DROSHA: variants seen among roughly 807,000 people sequenced by gnomAD.
DROSHA encodes the protein ribonuclease 3.
A neutral mutation model predicts 181.9 loss-of-function variants in DROSHA; 56 were observed. The observed-to-expected ratio is 0.31, with a 90% CI of 0.25 to 0.38. The LOEUF (loss-of-function observed/expected upper bound fraction) is 0.38, where lower values mean the gene tolerates loss of function less well. DROSHA is among the 10% of genes least tolerant of loss of function. The pLI is 1.00. For missense variants in DROSHA, 1,218 were observed against 1,743.5 expected (o/e 0.70, Z 5.37); for synonymous variants, 524 against 591.2 (o/e 0.89, Z 1.65).
chr5:31,477,635 T>A (rs1473860070), intron 16 of DROSHA, among the ~76,000 whole-genome samples: 1 of 152,170 alleles, frequency 6.6e-6, no homozygotes, highest in African/African-American at 2.4e-5. Context: ...AGACAGTCAA[T>A]TTGCAAAACT....
At position 31,507,311 on chromosome 5, in the gene DROSHA, T is replaced by C. The variant is rs1738091795; in HGVS notation, c.1587+1310A>G. Among the ~76,000 whole-genome samples, 4 of 151,740 alleles carry C rather than the reference T, an allele frequency of 2.6e-5. No individual in the cohort carries two copies. In the South Asian group the frequency reaches 6.3e-4, roughly 24 times the overall value. On this transcript the variant is annotated intron_variant, in intron 10 of 35. Coordinates refer to ENST00000344624, the MANE Select transcript of DROSHA (RefSeq NM_001382508.1). Reference sequence around the variant, plus strand: ...CCCTATCTCTACTAAAAATACAAAATTGGCCAGGCGTGGAGGCGCATGCCT... The same window carrying C: ...CCCTATCTCTACTAAAAATACAAAACTGGCCAGGCGTGGAGGCGCATGCCT...
rs1260043282 is a variant in DROSHA at position 31,514,438 on chromosome 5, C to T, written c.1290+550G>A. Among the ~76,000 whole-genome samples, 2 of 151,764 alleles carry T rather than the reference C, an allele frequency of 1.3e-5. No individual in the cohort carries two copies. The highest frequency in any genetic ancestry group is 2.9e-5 in the Non-Finnish European group (2 of 67,984). ...GGAGGATTGCTTGAGCTCAGGAGTT[C>T]GAGACCAGAGTGGGCAACATAGTAT... On this transcript the variant is annotated intron_variant, in intron 8 of 35. Coordinates refer to ENST00000344624, the MANE Select transcript of DROSHA (RefSeq NM_001382508.1). The surrounding 1 kb of genome is among the most constrained non-coding windows in gnomAD (Gnocchi z 4.4).
chr5:31,524,700 A>G (rs1199873922), intron 5 of DROSHA, among the ~76,000 whole-genome samples: 1 of 152,198 alleles, frequency 6.6e-6, no homozygotes, highest in Admixed American at 6.5e-5. Flanking sequence ...CACACACAAA[A>G]AAGTTGCATA....
intron 28 of DROSHA, among the ~76,000 whole-genome samples, chr5:31,423,797 A>C (rs1345437636): frequency 6.6e-6 from 1 of 152,168 alleles, no homozygotes; most frequent in African/African-American, 2.4e-5. Flanking sequence ...ACATATATGC[A>C]TATATCCCAA....
rs1489304022 is a variant in DROSHA at position 31,514,409 on chromosome 5, G to A, written c.1290+579C>T. ...TAATCCCAGCACTTTGGGAGGCCAA[G>A]GCAGGAGGATTGCTTGAGCTCAGGA... On this transcript the variant is annotated intron_variant, in intron 8 of 35. Coordinates refer to ENST00000344624, the MANE Select transcript of DROSHA (RefSeq NM_001382508.1). This position sits in a 1 kb window ranked among gnomAD's most constrained non-coding sequence, Gnocchi z 4.4. Among the ~76,000 whole-genome samples the A allele has an allele frequency of 6.6e-6, 1 of 152,112 alleles. No individual in the cohort carries two copies. The highest frequency in any genetic ancestry group is 6.6e-5 in the Admixed American group (1 of 15,260).
At chr5:31,405,762 A>ATAT in intron 34 of DROSHA, 39 bp from the exon 35 acceptor site, 1 of 1,018,800 alleles carries the variant, frequency 9.8e-7, no homozygotes, top group Non-Finnish European at 1.4e-6. Flanking sequence ...TTTAATTTCA[A>ATAT]GATTCTTTTT....
At chr5:31,451,930 C>T (rs920829277) in intron 20 of DROSHA, among the ~76,000 whole-genome samples, 10 of 152,078 alleles carry the variant, frequency 6.6e-5, no homozygotes, top group Admixed American at 5.9e-4. Context: ...TTTCCTCACC[C>T]GCACAATGAG....
At chr5:31,437,681 T>C (rs899708490) in intron 23 of DROSHA, among the ~76,000 whole-genome samples, 2 of 152,316 alleles carry the variant, frequency 1.3e-5, no homozygotes, top group Non-Finnish European at 2.9e-5. Flanking sequence ...TTTGATACAA[T>C]GTCCTAAAGA....
chr5:31,523,523 A>G (rs1315183853), intron 5 of DROSHA, among the ~76,000 whole-genome samples: 1 of 152,254 alleles, frequency 6.6e-6, no homozygotes, highest in Admixed American at 6.5e-5. Flanking sequence ...ATAGCATATC[A>G]AAACAGAGGC....
At chr5:31,431,481 T>C in intron 26 of DROSHA, 95 bp downstream of exon 26, 1 of 1,250,730 alleles carries the variant, frequency 8.0e-7, no homozygotes. Flanking sequence ...TGGGAACAAG[T>C]AATTCTGTCC....
chr5:31,487,258 T>C (rs1176223258), intron 13 of DROSHA, among the ~76,000 whole-genome samples: 1 of 152,166 alleles, frequency 6.6e-6, no homozygotes, highest in Non-Finnish European at 1.5e-5. Context: ...CTTGGTGAAC[T>C]GCGAAGTCTT....
chr5:31,447,140 A>G (rs981126914), intron 23 of DROSHA, among the ~76,000 whole-genome samples: 1 of 152,234 alleles, frequency 6.6e-6, no homozygotes, highest in Non-Finnish European at 1.5e-5. Context: ...GCTGGAGGCC[A>G]TTATCCTTAG....
chr5:31,459,409 T>C (rs1748097190), intron 20 of DROSHA, among the ~76,000 whole-genome samples: 1 of 104,264 alleles, frequency 9.6e-6, no homozygotes, highest in Non-Finnish European at 2.0e-5. Flanking sequence ...AAGACTCCCA[T>C]GTCTTAAAAA....
intron 35 of DROSHA, 121 bp from the exon 36 acceptor site, chr5:31,401,683 T>A: frequency 1.6e-6 from 1 of 609,376 alleles, no homozygotes; most frequent in Non-Finnish European, 2.2e-6. Context: ...TGTATAATTG[T>A]ATTTTATAAG....
intron 4 of DROSHA, 70 bp downstream of exon 4, chr5:31,528,970 T>C: frequency 1.3e-6 from 2 of 1,589,890 alleles, no homozygotes; most frequent in Non-Finnish European, 8.6e-7. Context: ...CCACCCTCTA[T>C]AGCCCAGCAC....
At chr5:31,477,128 T>C (rs965227510) in intron 16 of DROSHA, among the ~76,000 whole-genome samples, 5 of 152,176 alleles carry the variant, frequency 3.3e-5, no homozygotes, top group African/African-American at 4.8e-5. Flanking sequence ...AACTGGAGTT[T>C]GTGTTTCAGG....
chr5:31,471,701 GC>G (rs1375995097), intron 17 of DROSHA, among the ~76,000 whole-genome samples: 2 of 151,948 alleles, frequency 1.3e-5, no homozygotes, highest in African/African-American at 4.8e-5. Flanking sequence ...GACATTTCCC[GC>G]CCCCCAACTC....
intron 30 of DROSHA, among the ~76,000 whole-genome samples, chr5:31,416,898 G>A (rs893936317): frequency 1.3e-5 from 2 of 152,196 alleles, no homozygotes; most frequent in Non-Finnish European, 1.5e-5. Flanking sequence ...TACTTGCTGA[G>A]CACTGATATG....
chr5:31,525,888 G>C (rs1201573074), intron 5 of DROSHA, among the ~76,000 whole-genome samples, 191 bp downstream of exon 5: 8 of 152,156 alleles, frequency 5.3e-5, no homozygotes, highest in Non-Finnish European at 7.4e-5. Context: ...CTTTTTAAAA[G>C]CAATTTTTTT....
Sources: allele counts gnomAD v4.1 joint callset (sites outside exome capture counted in the v4.1 genomes callset), GRCh38; gene constraint gnomAD v4.1.1; non-coding constraint Gnocchi (gnomAD v3.1); transcripts MANE v1.5; gene names NCBI Gene and HGNC (gene_info 2026-07-23, HGNC 2026-07-21).